The following TMEM135 variants were observed in gnomAD, a reference collection of about 807,000 sequenced individuals.
TMEM135 encodes the protein transmembrane protein 135, also known as peroxisomal membrane protein 52.
Under a neutral mutation model 60.3 loss-of-function variants are expected in TMEM135, and 30 were observed. That is an observed-to-expected ratio of 0.50 (90% CI 0.37 to 0.68). TMEM135 has a LOEUF of 0.68. TMEM135 is among the 30% of genes least tolerant of loss of function. The pLI, the probability that TMEM135 is intolerant of heterozygous loss-of-function variation, is 0.00. For missense variants in TMEM135, 468 were observed against 548.8 expected (o/e 0.85, Z 1.47); for synonymous variants, 190 against 186.7 (o/e 1.02, Z -0.14).
In TMEM135 at chr11:87,195,775, A is replaced by G. The variant is rs569119614; in HGVS notation, c.462+38369A>G. 3.3e-5 allele frequency among the ~76,000 whole-genome samples: 5 copies of G among 152,252 alleles called. No individual in the cohort carries two copies. The South Asian group carries it at 1.0e-3, about 32-fold the overall frequency. On this transcript the variant is annotated intron_variant, in intron 5 of 14. Transcript: ENST00000305494. ...TTTGCATGCCTGTTATTTTCATCCTACAGTTGCTTAGGGTGTGCCTGTCAA... is the reference window on the plus strand; with the variant it reads ...TTTGCATGCCTGTTATTTTCATCCTGCAGTTGCTTAGGGTGTGCCTGTCAA...
intron 1 of TMEM135, among the ~76,000 whole-genome samples, chr11:87,057,909 G>A (rs964503751): frequency 1.3e-5 from 2 of 152,106 alleles, no homozygotes; most frequent in Admixed American, 6.6e-5. Context: ...GACCCAGAGA[G>A]CCAATGTGTA....
intron 6 of TMEM135, among the ~76,000 whole-genome samples, chr11:87,246,318 C>A (rs1237422453): frequency 6.7e-6 from 1 of 150,060 alleles, no homozygotes; most frequent in African/African-American, 2.5e-5. Context: ...GTGAATCTGA[C>A]AATTATGTGT....
intron 6 of TMEM135, among the ~76,000 whole-genome samples, chr11:87,252,806 G>A (rs899830319): frequency 2.7e-5 from 4 of 150,468 alleles, no homozygotes; most frequent in Admixed American, 6.6e-5. Flanking sequence ...ATATGTGTGT[G>A]TGTGTGTGTG....
chr11:87,152,417 C>G (rs144769211), intron 4 of TMEM135, among the ~76,000 whole-genome samples: 54 of 152,126 alleles, frequency 3.5e-4, no homozygotes, highest in African/African-American at 1.3e-3. Flanking sequence ...CTCTTGACTT[C>G]TAGGATTTTA....
At chr11:87,080,782 G>A (rs1157839670) in intron 3 of TMEM135, among the ~76,000 whole-genome samples, 1 of 152,112 alleles carries the variant, frequency 6.6e-6, no homozygotes, top group Non-Finnish European at 1.5e-5. Flanking sequence ...CACCCACCGG[G>A]TTCAAGCAAC....
chr11:87,229,261 TA>T (rs1940834883), intron 5 of TMEM135, among the ~76,000 whole-genome samples: 1 of 152,050 alleles, frequency 6.6e-6, no homozygotes, highest in African/African-American at 2.4e-5. Flanking sequence ...AAATGGTTTC[TA>T]AAAGGCCATT....
intron 4 of TMEM135, among the ~76,000 whole-genome samples, chr11:87,118,939 G>T (rs1471593717): frequency 2.6e-5 from 4 of 152,190 alleles, no homozygotes; most frequent in African/African-American, 9.6e-5. Flanking sequence ...AGGGAATGTT[G>T]TGGTTGGTTT....
rs1164847366 is a variant in TMEM135 at position 87,327,550 on chromosome 11, TAGAGAGAGACAC to T, written c.*6227_*6238del. 2.2e-6 allele frequency: 1 copy of T among 451,886 alleles called. No individual in the cohort carries two copies. Among genetic ancestry groups the T allele is most frequent in the Non-Finnish European group, 4.4e-6 (1 of 225,898 alleles). The allele number at this position is 451,886 out of a possible 1,614,324, so 28.0% of individuals were successfully genotyped here. ...TACATAGAGAGAGATATGAGAGGGA[TAGAGAGAGACAC>T]AGAGAGAGATATGAGAGGGGATTAA... On this transcript the variant is annotated 3_prime_UTR_variant, in exon 15 of 15. Coordinates refer to ENST00000305494, the MANE Select transcript of TMEM135 (RefSeq NM_022918.4).
rs111844297 is a variant in TMEM135, at chr11:87,087,290, C to CA, written c.363-4055dup. ...TGGTTAGCACCTTTGGTCTTATTTT[C>CA]AAAAAAAAAAAAAAAAACCTTCAGG... On this transcript the variant is annotated intron_variant, in intron 3 of 14. Transcript: ENST00000305494. Among the ~76,000 whole-genome samples the CA allele has an allele frequency of 5.8e-3, 778 of 133,510 alleles. 2 individuals are homozygous for CA. The highest frequency in any genetic ancestry group is 6.8e-3 in the Non-Finnish European group (407 of 59,584). The allele number at this position is 133,510 out of a possible 152,430, so 87.6% of individuals were successfully genotyped here.
intron 5 of TMEM135, among the ~76,000 whole-genome samples, chr11:87,223,667 G>GCACGCA (rs1555120108): frequency 1.9e-4 from 22 of 118,374 alleles, no homozygotes; most frequent in Non-Finnish European, 3.4e-4. Flanking sequence ...GCACATGCAC[G>GCACGCA]CACACACACA....
At chr11:87,287,645 C>T (rs180748352) in intron 6 of TMEM135, among the ~76,000 whole-genome samples, 234 of 152,254 alleles carry the variant, frequency 1.5e-3, no homozygotes, top group African/African-American at 4.3e-3. Context: ...CCACTGCACT[C>T]CAGCCTGGCG....
At chr11:87,269,571 C>T (rs1167787487) in intron 6 of TMEM135, among the ~76,000 whole-genome samples, 1 of 151,544 alleles carries the variant, frequency 6.6e-6, no homozygotes, top group Non-Finnish European at 1.5e-5. Context: ...GTTCAATTCC[C>T]ACCTATGAGT....
At chr11:87,163,104 G>A (rs1394444025) in intron 5 of TMEM135, among the ~76,000 whole-genome samples, 1 of 148,678 alleles carries the variant, frequency 6.7e-6, no homozygotes, top group Non-Finnish European at 1.5e-5. Flanking sequence ...AGTTACATAT[G>A]TATACATGTG....
intron 5 of TMEM135, among the ~76,000 whole-genome samples, chr11:87,208,689 A>G (rs1015246680): frequency 6.6e-6 from 1 of 152,224 alleles, no homozygotes; most frequent in African/African-American, 2.4e-5. Context: ...AGAGAGGTTG[A>G]CATGCAAATT....
intron 6 of TMEM135, among the ~76,000 whole-genome samples, chr11:87,265,970 A>G (rs1019956050): frequency 6.6e-6 from 1 of 152,188 alleles, no homozygotes; most frequent in Non-Finnish European, 1.5e-5. Context: ...TTAGCCTTAC[A>G]GCTAAAAGGT....
At chr11:87,064,963 C>G (rs1037443205) in intron 1 of TMEM135, among the ~76,000 whole-genome samples, 1 of 148,808 alleles carries the variant, frequency 6.7e-6, no homozygotes, top group Non-Finnish European at 1.5e-5. Flanking sequence ...TTTTTTTTTT[C>G]CCCCCACTCA....
At chr11:87,099,828 G>A (rs1283255172) in intron 4 of TMEM135, among the ~76,000 whole-genome samples, 1 of 151,778 alleles carries the variant, frequency 6.6e-6, no homozygotes, top group African/African-American at 2.4e-5. Context: ...GATTACAGGT[G>A]TGCACCACCA....
chr11:87,315,167 C>T (rs1399235938), intron 12 of TMEM135, among the ~76,000 whole-genome samples: 22 of 151,732 alleles, frequency 1.4e-4, no homozygotes, highest in Admixed American at 1.4e-3. Context: ...CCTCCTCCTC[C>T]TCTTCCTTCT....
intron 7 of TMEM135, among the ~76,000 whole-genome samples, chr11:87,301,615 G>A (rs774951688): frequency 3.3e-5 from 5 of 151,862 alleles, no homozygotes; most frequent in African/African-American, 9.7e-5. Flanking sequence ...CTATATTTTC[G>A]GAAAGCTTGG....
Sources: allele counts gnomAD v4.1 joint callset (sites outside exome capture counted in the v4.1 genomes callset), GRCh38; gene constraint gnomAD v4.1.1; transcripts MANE v1.5; gene names NCBI Gene and HGNC (gene_info 2026-07-23, HGNC 2026-07-21).